EIF4E2: variants seen among roughly 807,000 people sequenced by gnomAD.
EIF4E2 encodes eukaryotic translation initiation factor 4E family member 2, also known as eukaryotic translation initiation factor 4E type 2.
Under a neutral mutation model 34.2 loss-of-function variants are expected in EIF4E2, and 13 were observed. The ratio of observed to expected loss-of-function variants is 0.38; its 90% confidence interval spans 0.25 to 0.60. EIF4E2 has a LOEUF of 0.60. EIF4E2 is among the 20% of genes least tolerant of loss of function. The pLI is 0.62. For synonymous variants in EIF4E2, 100 were observed against 106.6 expected, an observed-to-expected ratio of 0.94 and a Z score of 0.38; for missense variants, 222 against 315.1, an observed-to-expected ratio of 0.70 and a Z score of 2.24.
intron 6 of EIF4E2, chr2:232,574,462 C>A: frequency 9.9e-7 from 1 of 1,014,048 alleles, no homozygotes; most frequent in Non-Finnish European, 1.5e-6. Context: ...AAATATAAGT[C>A]CCAAACCACT....
chr2:232,564,198 A>G, intron 3 of EIF4E2, 49 bp from the exon 4 acceptor site: 2 of 1,330,510 alleles, frequency 1.5e-6, no homozygotes, highest in East Asian at 2.5e-5. Flanking sequence ...ATGCATTCAA[A>G]GAAAAGTAAA....
At chr2:232,568,512 C>A (rs1239216050) in intron 6 of EIF4E2, 2 of 905,472 alleles carry the variant, frequency 2.2e-6, no homozygotes, top group African/African-American at 5.9e-5. Flanking sequence ...TAGCCACGTT[C>A]AGTCCAGGCT....
intron 6 of EIF4E2, chr2:232,568,337 C>T (rs1404064941): frequency 5.1e-6 from 5 of 985,250 alleles, no homozygotes; most frequent in Admixed American, 6.1e-5. Context: ...CTGCTATGGG[C>T]GTTGGTCCAT....
At chr2:232,579,462 C>T (rs980179249) in intron 6 of EIF4E2, among the ~76,000 whole-genome samples, 12 of 152,112 alleles carry the variant, frequency 7.9e-5, no homozygotes, top group African/African-American at 2.9e-4. Flanking sequence ...CTGAGTTCAC[C>T]TATACCAGCT....
At chr2:232,579,846 G>A (rs987012013) in intron 6 of EIF4E2, among the ~76,000 whole-genome samples, 1 of 152,040 alleles carries the variant, frequency 6.6e-6, no homozygotes, top group Non-Finnish European at 1.5e-5. Context: ...GAGAAATAAT[G>A]ACTCCAGAAT....
chr2:232,575,047 T>A (rs1039173679), intron 6 of EIF4E2, among the ~76,000 whole-genome samples: 3 of 152,188 alleles, frequency 2.0e-5, no homozygotes, highest in Non-Finnish European at 2.9e-5. Context: ...GAGGAATGGA[T>A]GAAAGGCCAA....
chr2:232,564,673 G>A (rs1198408480), intron 4 of EIF4E2, among the ~76,000 whole-genome samples: 1 of 152,172 alleles, frequency 6.6e-6, no homozygotes, highest in African/African-American at 2.4e-5. Flanking sequence ...GGATGGTCTC[G>A]ATCTCCTGAC....
intron 6 of EIF4E2, among the ~76,000 whole-genome samples, chr2:232,578,445 A>G (rs1693270324): frequency 6.6e-6 from 1 of 152,196 alleles, no homozygotes; most frequent in African/African-American, 2.4e-5. Flanking sequence ...ATCCTGGCCA[A>G]CATGGTGAAA....
In EIF4E2 at chr2:232,569,155, TG is replaced by T. The variant is rs1693032024; in HGVS notation, c.*139del. On this transcript the variant is annotated 3_prime_UTR_variant, in exon 7 of 7. Coordinates refer to ENST00000258416, the MANE Select transcript of EIF4E2 (RefSeq NM_004846.4). ...AGCATTTTATGTTTTAAGAACAGGC[TG>T]ACACGCAGCAGCTACAACAACAGCT... is the stretch of plus-strand genomic sequence containing the variant. 4 of 1,471,978 alleles carry T rather than the reference TG, an allele frequency of 2.7e-6. No individual in the cohort carries two copies. The Admixed American group carries it at 7.4e-5, about 27-fold the overall frequency. 91.2% of individuals were successfully genotyped at this position (1,471,978 alleles called of 1,614,324 possible). A position where few individuals can be genotyped will look rare whatever the true frequency, so the allele number is the denominator to read the frequency against.
intron 3 of EIF4E2, among the ~76,000 whole-genome samples, chr2:232,561,898 C>CT (rs1264297290): frequency 9.2e-5 from 14 of 151,688 alleles, no homozygotes; most frequent in African/African-American, 3.4e-4. Flanking sequence ...TCAATTAGAA[C>CT]TGTCAAATCT....
intron 6 of EIF4E2, chr2:232,574,384 C>G (rs778703478): frequency 1.5e-5 from 23 of 1,537,556 alleles, no homozygotes; most frequent in Middle Eastern, 3.3e-4. Context: ...TGACATACCT[C>G]TCATCCATAG....
chr2:232,557,778 C>A, intron 2 of EIF4E2, 106 bp from the exon 3 acceptor site: 1 of 1,311,692 alleles, frequency 7.6e-7, no homozygotes, highest in Non-Finnish European at 1.1e-6. Flanking sequence ...GGTTGTATAT[C>A]CTTTTTTAAT....
intron 1 of EIF4E2, among the ~76,000 whole-genome samples, chr2:232,553,280 A>G (rs1296729429): frequency 3.3e-5 from 5 of 150,436 alleles, no homozygotes; most frequent in Non-Finnish European, 1.5e-5. Flanking sequence ...GATCTACACA[A>G]CTGTACTTGA....
At position 232,575,529 on chromosome 2, in the gene EIF4E2, G is replaced by C. The variant is rs1693190700; in HGVS notation, c.666-5375G>C. ...ATTGTCCCAGCTACTTGGAGGCTGT[G>C]GTGGGAGGATCACTTGAGCCCAGGA... On this transcript the variant is annotated intron_variant, in intron 6 of 6. Coordinates refer to the EIF4E2 transcript ENST00000409098. Among the ~76,000 whole-genome samples, 3 of 152,190 alleles carry C rather than the reference G, an allele frequency of 2.0e-5. No homozygotes were observed. In the South Asian group the frequency reaches 6.2e-4, roughly 31 times the overall value.
intron 3 of EIF4E2, among the ~76,000 whole-genome samples, chr2:232,563,368 G>C (rs1374311872): frequency 2.0e-5 from 3 of 151,394 alleles, no homozygotes; most frequent in Non-Finnish European, 4.4e-5. Context: ...TCATACTGCT[G>C]CGTAGACCCT....
At chr2:232,562,945 T>C (rs988043341) in intron 3 of EIF4E2, among the ~76,000 whole-genome samples, 1 of 91,800 alleles carries the variant, frequency 1.1e-5, no homozygotes, top group Non-Finnish European at 2.5e-5. Flanking sequence ...CTTTTTACCA[T>C]GTAAGATGCA....
At position 232,581,772 on chromosome 2, in the gene EIF4E2, G is replaced by T. The variant is rs1559325743; in HGVS notation, c.*829G>T. ...TGAGCAGACCCTGTGTGTCAGGCCTGTTTCCCATATGAGCAGAGCCTGTGT... is the reference window on the plus strand; with the variant it reads ...TGAGCAGACCCTGTGTGTCAGGCCTTTTTCCCATATGAGCAGAGCCTGTGT... On this transcript the variant is annotated 3_prime_UTR_variant, in exon 7 of 7. Coordinates refer to the EIF4E2 transcript ENST00000409098. The surrounding 1 kb of genome is among the most constrained non-coding windows in gnomAD (Gnocchi z 5.2). 1.3e-5 allele frequency: 2 copies of T among 152,610 alleles called. No homozygotes were observed. The highest frequency in any genetic ancestry group is 2.9e-5 in the Non-Finnish European group (2 of 68,408). The allele number at this position is 152,610 out of a possible 1,614,324, so 9.5% of individuals were successfully genotyped here.
downstream of EIF4E2, chr2:232,574,120 C>T (rs578094826): frequency 1.6e-5 from 14 of 854,456 alleles, no homozygotes; most frequent in African/African-American, 1.0e-4. Context: ...AGTGGGACCT[C>T]GCTGCTCTGC....
chr2:232,551,727 A>G (rs185897483), intron 1 of EIF4E2, among the ~76,000 whole-genome samples: 1 of 152,342 alleles, frequency 6.6e-6, no homozygotes, highest in African/African-American at 2.4e-5. Context: ...ATATAAACGT[A>G]AAGTGGAATT....
Sources: allele counts gnomAD v4.1 joint callset (sites outside exome capture counted in the v4.1 genomes callset), GRCh38; gene constraint gnomAD v4.1.1; non-coding constraint Gnocchi (gnomAD v3.1); transcripts MANE v1.5; gene names NCBI Gene and HGNC (gene_info 2026-07-23, HGNC 2026-07-21).